Variants in EIF2AK4 observed in about 807,000 individuals in gnomAD.
EIF2AK4 encodes the protein eIF-2-alpha kinase GCN2.
In EIF2AK4, 139 loss-of-function variants were observed where a neutral mutation model predicts 211.1. The ratio of observed to expected loss-of-function variants is 0.66; its 90% CI spans 0.57 to 0.76. The LOEUF is 0.76. Ranked by LOEUF, EIF2AK4 falls within the 30% of genes least tolerant of loss-of-function variation. EIF2AK4 has a pLI of 0.00. For synonymous variants in EIF2AK4, 710 were observed against 751.3 expected, an observed-to-expected ratio of 0.94 and a Z score of 0.90; for missense variants, 1,664 against 2,043.8, an observed-to-expected ratio of 0.81 and a Z score of 3.58.
chr15:39,982,699 C>G (rs2034809196), intron 13 of EIF2AK4, among the ~76,000 whole-genome samples: 1 of 151,666 alleles, frequency 6.6e-6, no homozygotes. Context: ...TCCCCTAGCT[C>G]CCCACCCCCT....
rs367721237 is a variant in EIF2AK4 at position 39,949,142 on chromosome 15, C to T, written c.387C>T (p.His129=). The T allele has an allele frequency of 2.8e-5, 45 of 1,613,908 alleles. No individual in the cohort carries two copies. The highest frequency in any genetic ancestry group is 6.7e-5 in the East Asian group (3 of 44,880). Residue 129 remains histidine (H), a synonymous_variant, in exon 4 of 39, where the codon CAC becomes CAT. Transcript: ENST00000263791. ...GEVMIFELAY[H]VQSFLSEHNK... ...TGATGATCTTTGAACTGGCTTACCACGTGCAGTCATTTCTCAGCGAGCATA... is the reference window on the plus strand; with the variant it reads ...TGATGATCTTTGAACTGGCTTACCATGTGCAGTCATTTCTCAGCGAGCATA...
At chr15:40,016,397 C>A in intron 27 of EIF2AK4, 105 bp from the exon 28 acceptor site, 2 of 1,325,832 alleles carry the variant, frequency 1.5e-6, no homozygotes, top group Non-Finnish European at 2.1e-6. Flanking sequence ...CAAAGATAAT[C>A]GTAGCATCCC....
intron 13 of EIF2AK4, among the ~76,000 whole-genome samples, chr15:39,985,259 T>A (rs1054886024): frequency 6.6e-6 from 1 of 152,164 alleles, no homozygotes; most frequent in Non-Finnish European, 1.5e-5. Context: ...TTTGCCAGTA[T>A]TTTATTGAGG....
Position 39,997,051 on chromosome 15 carries a change from A to G in EIF2AK4, c.2854A>G (p.Asn952Asp). 1 of 1,612,642 alleles carries G rather than the reference A, an allele frequency of 6.2e-7. No homozygotes were observed. Among genetic ancestry groups the G allele is most frequent in the South Asian group, 1.1e-5 (1 of 91,062 alleles). ...VTASERIFVL[N>D]QLRDPTSPKF... ...GGCTTCAGAAAGGATCTTTGTTCTC[A>G]ACCAACTCAGAGATGTATGTATCAG... The change falls in exon 19 of 39, where the codon AAC becomes GAC. Residue 952 changes from asparagine (N) to aspartate (D), a missense_variant. Transcript: ENST00000263791.
chr15:39,965,097 A>G (rs1297354555), intron 7 of EIF2AK4, among the ~76,000 whole-genome samples: 1 of 152,198 alleles, frequency 6.6e-6, no homozygotes, highest in Admixed American at 6.5e-5. Context: ...AACATTGTGC[A>G]TAATGGCTAG....
chr15:39,981,351 CAA>C (rs2034781521), intron 13 of EIF2AK4, among the ~76,000 whole-genome samples: 2 of 150,768 alleles, frequency 1.3e-5, no homozygotes, highest in Non-Finnish European at 2.9e-5. Flanking sequence ...GCCTGGGTGA[CAA>C]GAGCGAAACT....
intron 17 of EIF2AK4, chr15:39,992,511 A>G (rs1377571006): frequency 5.2e-6 from 3 of 572,962 alleles, no homozygotes; most frequent in East Asian, 5.8e-5. Flanking sequence ...AGGTTACCTC[A>G]TGACCTGATC....
At chr15:39,981,494 A>G (rs1480487756) in intron 13 of EIF2AK4, among the ~76,000 whole-genome samples, 1 of 152,212 alleles carries the variant, frequency 6.6e-6, no homozygotes, top group Non-Finnish European at 1.5e-5. Context: ...GGCAGCATCC[A>G]TGGGCATCCT....
intron 4 of EIF2AK4, among the ~76,000 whole-genome samples, chr15:39,952,570 C>T (rs1016829046): frequency 1.3e-5 from 2 of 152,086 alleles, no homozygotes; most frequent in Non-Finnish European, 2.9e-5. Flanking sequence ...GCCACCGTGC[C>T]CAGCACCATT....
At chr15:39,994,646 A>T (rs2034995251) in intron 18 of EIF2AK4, among the ~76,000 whole-genome samples, 1 of 152,148 alleles carries the variant, frequency 6.6e-6, no homozygotes, top group Non-Finnish European at 1.5e-5. Context: ...TACATTAGGA[A>T]AGCAATTTGC....
intron 6 of EIF2AK4, 61 bp downstream of exon 6, chr15:39,955,829 G>A (rs2140906269): frequency 1.3e-6 from 2 of 1,485,570 alleles, no homozygotes; most frequent in Non-Finnish European, 1.8e-6. Context: ...TTACTACATT[G>A]AAGATGTAGT....
Position 40,008,861 on chromosome 15 carries a change from C to T in EIF2AK4, c.3576+666C>T, listed in dbSNP as rs538603465. 5.9e-5 allele frequency among the ~76,000 whole-genome samples: 9 copies of T among 152,258 alleles called. No individual in the cohort carries two copies. The South Asian group carries it at 1.2e-3, about 21-fold the overall frequency. On this transcript the variant is annotated intron_variant, in intron 25 of 38. Transcript: ENST00000263791. ...GTTTTTAGGGCAGAGCCTACGAGTC[C>T]GCTTTGCCATATACCCCCATTGCAG... is the stretch of plus-strand genomic sequence containing the variant.
intron 35 of EIF2AK4, 120 bp downstream of exon 35, chr15:40,030,576 A>T: frequency 8.8e-7 from 1 of 1,142,816 alleles, no homozygotes; most frequent in Non-Finnish European, 1.2e-6. Flanking sequence ...CCAAGAAAAA[A>T]ATTTTTCTTC....
chr15:39,980,020 C>T (rs993686039), intron 13 of EIF2AK4, among the ~76,000 whole-genome samples: 4 of 152,062 alleles, frequency 2.6e-5, no homozygotes, highest in African/African-American at 9.7e-5. Context: ...TTCATAAGCT[C>T]AAAGAAAAAT....
At chr15:39,969,863 T>G (rs1376284589) in intron 9 of EIF2AK4, among the ~76,000 whole-genome samples, 1 of 152,160 alleles carries the variant, frequency 6.6e-6, no homozygotes. Context: ...TTTTTACATA[T>G]TAGTGAACAC....
intron 18 of EIF2AK4, among the ~76,000 whole-genome samples, chr15:39,995,875 T>C (rs1260641566): frequency 6.6e-6 from 1 of 152,194 alleles, no homozygotes; most frequent in Non-Finnish European, 1.5e-5. Flanking sequence ...TAAGAACGCT[T>C]GAGAGCTACT....
intron 3 of EIF2AK4, chr15:39,946,775 C>T (rs1340183815): frequency 1.5e-6 from 1 of 647,444 alleles, no homozygotes; most frequent in African/African-American, 1.8e-5. Context: ...CAGCCACCAC[C>T]TTGATCAGTC....
chr15:39,949,209 A>G lies in EIF2AK4; in HGVS notation c.454A>G (p.Arg152Gly). The change falls in exon 4 of 39, where the codon AGG becomes GGG. Residue 152 changes from arginine to glycine, a missense_variant. Around this residue, in one of 7 missense-constraint regions of EIF2AK4, gnomAD observed 641 missense variants for 729.6 expected, o/e 0.88. Coordinates refer to ENST00000263791, the MANE Select transcript of EIF2AK4 (RefSeq NM_001013703.4). ...GTCTTTTCATGAAGAAATGCTGGAAAGGCGGGCTCAGGAGGAGCAGCAGAG... is the reference window on the plus strand; with the variant it reads ...GTCTTTTCATGAAGAAATGCTGGAAGGGCGGGCTCAGGAGGAGCAGCAGAG... The part of the protein sequence containing the change: ...PKSFHEEMLE[R>G]RAQEEQQRLL... 1 of 1,614,178 alleles carries G rather than the reference A, an allele frequency of 6.2e-7. No homozygotes were observed. The highest frequency in any genetic ancestry group is 8.5e-7 in the Non-Finnish European group (1 of 1,180,032).
At chr15:40,016,464 T>A in intron 27 of EIF2AK4, 38 bp from the exon 28 acceptor site, 1 of 1,613,034 alleles carries the variant, frequency 6.2e-7, no homozygotes, top group East Asian at 2.2e-5. Flanking sequence ...CTTCCCCTGC[T>A]GTGGATGGGC....
Sources: gnomAD v4.1 joint callset for allele counts (sites outside exome capture counted in the v4.1 genomes callset) on GRCh38, gnomAD v4.1.1 for gene constraint, gnomAD v4.1.1 regional missense constraint, MANE v1.5 for transcripts, NCBI Gene and HGNC (gene_info 2026-07-23, HGNC 2026-07-21) for gene names.